The following TASOR2 variants were observed in gnomAD, a reference collection of about 807,000 sequenced individuals.
TASOR2 encodes transcription activation suppressor family member 2.
TASOR2 carries 84 observed loss-of-function variants against 199.5 expected under a neutral mutation model. That is an observed-to-expected ratio of 0.42 (90% CI 0.35 to 0.50). The LOEUF (loss-of-function observed/expected upper bound fraction) is 0.50, where lower values mean the gene tolerates loss of function less well. Ranked by LOEUF, TASOR2 falls within the 20% of genes least tolerant of loss-of-function variation. The pLI is 0.02. For synonymous variants in TASOR2, 1,103 were observed against 1,046.6 expected, an observed-to-expected ratio of 1.05 and a Z score of -1.04; for missense variants, 2,796 against 2,835.9, an observed-to-expected ratio of 0.99 and a Z score of 0.32.
chr10:5,713,325 G>T (rs542747277), intron 2 of TASOR2, among the ~76,000 whole-genome samples: 1 of 151,886 alleles, frequency 6.6e-6, no homozygotes, highest in Non-Finnish European at 1.5e-5. Context: ...ATAAACTTTG[G>T]CATCCTGGTT....
At chr10:5,696,092 A>G (rs989317130) in intron 1 of TASOR2, among the ~76,000 whole-genome samples, 5 of 152,170 alleles carry the variant, frequency 3.3e-5, no homozygotes, top group African/African-American at 1.2e-4. Flanking sequence ...CTAAATGAAA[A>G]TGAGGATTGA....
chr10:5,752,553 G>A lies in TASOR2; in HGVS notation c.6606+2526G>A, dbSNP rs925863847. Among the ~76,000 whole-genome samples the A allele has an allele frequency of 2.0e-4, 30 of 152,202 alleles. No homozygotes were observed. Among genetic ancestry groups the A allele is most frequent in the African/African-American group, 7.0e-4 (29 of 41,456 alleles). ...TCCTGCGCTAACTCCAGAATGTCACGTGGCGAGTCCATGGGGGCTGGATTA... is the reference window on the plus strand; with the variant it reads ...TCCTGCGCTAACTCCAGAATGTCACATGGCGAGTCCATGGGGGCTGGATTA... On this transcript the variant is annotated intron_variant, in intron 15 of 20. Coordinates refer to ENST00000328090, the Ensembl canonical transcript of TASOR2. This position sits in a 1 kb window ranked among gnomAD's most constrained non-coding sequence, Gnocchi z 4.4.
In TASOR2 at chr10:5,685,483, G is replaced by A. The variant is rs1835707403; in HGVS notation, c.-288+308G>A. Among the ~76,000 whole-genome samples, 1 of 152,204 alleles carries A rather than the reference G, an allele frequency of 6.6e-6. No individual in the cohort carries two copies. Among genetic ancestry groups the A allele is most frequent in the Non-Finnish European group, 1.5e-5 (1 of 68,038 alleles). ...GTCAGGGGACAGCTGCGTCCTCAGG[G>A]ATATGCTGATAAGTTCTTGGCTGAA... On this transcript the variant is annotated intron_variant, in intron 1 of 20. Transcript: ENST00000328090. This position sits in a 1 kb window ranked among gnomAD's most constrained non-coding sequence, Gnocchi z 5.4.
exon 15 of TASOR2, chr10:5,746,985 G>C: frequency 6.2e-7 from 1 of 1,614,176 alleles, no homozygotes; most frequent in South Asian, 1.1e-5. Flanking sequence ...CACAGACTCA[G>C]AGTCTCCTCG....
chr10:5,708,547 T>C (rs1831436916), intron 1 of TASOR2, among the ~76,000 whole-genome samples: 1 of 148,472 alleles, frequency 6.7e-6, no homozygotes, highest in African/African-American at 2.5e-5. Context: ...TTTCTTTCTC[T>C]TTCTTTCTTT....
intron 1 of TASOR2, among the ~76,000 whole-genome samples, chr10:5,705,539 A>G (rs996404324): frequency 6.6e-6 from 1 of 152,172 alleles, no homozygotes; most frequent in Non-Finnish European, 1.5e-5. Context: ...ATGTGTTTAT[A>G]AGAAACTGAT....
chr10:5,747,706 G>A (rs1467493605), exon 15 of TASOR2: 4 of 1,614,110 alleles, frequency 2.5e-6, no homozygotes, highest in Admixed American at 1.7e-5. Context: ...AAAACTTCAT[G>A]GTACACAGTG....
At chr10:5,725,006 T>G (rs1833867467) in intron 8 of TASOR2, among the ~76,000 whole-genome samples, 1 of 152,144 alleles carries the variant, frequency 6.6e-6, no homozygotes, top group Non-Finnish European at 1.5e-5. Context: ...TATACTTGAG[T>G]ACTCCTTGTG....
At position 5,723,110 on chromosome 10, in the gene TASOR2, G is replaced by A. The variant is rs557388660; in HGVS notation, c.147-567G>A. On this transcript the variant is annotated intron_variant, in intron 6 of 20. Transcript: ENST00000328090. Reference sequence around the variant, plus strand: ...TCTGTCGCCCAGGCTAGAGTGCAGCGGCACAATCTCAGCTCACTGCAAGCT... The same window carrying A: ...TCTGTCGCCCAGGCTAGAGTGCAGCAGCACAATCTCAGCTCACTGCAAGCT... Among the ~76,000 whole-genome samples the A allele has an allele frequency of 3.8e-5, 5 of 130,260 alleles. No homozygotes were observed. The East Asian group carries it at 7.5e-4, about 20-fold the overall frequency. The allele number at this position is 130,260 out of a possible 152,430, so 85.5% of individuals were successfully genotyped here.
At chr10:5,686,464 C>T (rs1311967950) in intron 1 of TASOR2, among the ~76,000 whole-genome samples, 1 of 152,116 alleles carries the variant, frequency 6.6e-6, no homozygotes, top group East Asian at 1.9e-4. Flanking sequence ...AAGTTATTTT[C>T]AAGATATCCC....
intron 19 of TASOR2, among the ~76,000 whole-genome samples, chr10:5,761,957 C>T (rs1022664011): frequency 6.6e-6 from 1 of 151,686 alleles, no homozygotes. Flanking sequence ...TGGCTTGAAC[C>T]CCGGAGGCAG....
At position 5,751,539 on chromosome 10, in the gene TASOR2, C is replaced by G. The variant is rs1838038046; in HGVS notation, c.6606+1512C>G. On this transcript the variant is annotated intron_variant, in intron 15 of 20. Transcript: ENST00000328090. The surrounding 1 kb of genome is among the most constrained non-coding windows in gnomAD (Gnocchi z 5.3). ...TCCCAGACCCAGCCAGTGGGAGTCCCTTTAAGTTGGCTTCTGTGTCCTTTT... is the reference window on the plus strand; with the variant it reads ...TCCCAGACCCAGCCAGTGGGAGTCCGTTTAAGTTGGCTTCTGTGTCCTTTT... Among the ~76,000 whole-genome samples the G allele has an allele frequency of 6.6e-6, 1 of 152,196 alleles. No homozygotes were observed. Among genetic ancestry groups the G allele is most frequent in the South Asian group, 2.1e-4 (1 of 4,828 alleles).
rs768788184 is a variant in TASOR2, at chr10:5,720,685, A to T, written c.26+17A>T. 5.6e-6 allele frequency: 9 copies of T among 1,614,094 alleles called. No homozygotes were observed. The highest frequency in any genetic ancestry group is 7.6e-6 in the Non-Finnish European group (9 of 1,179,998). ...TAAAAGCATGTAAGTAATTATGTGC[A>T]TGCTTTGTTTTACTGAATTTGTTCC... On this transcript the variant is annotated intron_variant, in intron 4 of 20. Transcript: ENST00000328090. The surrounding 1 kb of genome is among the most constrained non-coding windows in gnomAD (Gnocchi z 5.3).
intron 10 of TASOR2, among the ~76,000 whole-genome samples, chr10:5,729,770 G>C (rs1297349770): frequency 6.7e-6 from 1 of 148,262 alleles, no homozygotes; most frequent in African/African-American, 2.5e-5. Flanking sequence ...TGACAACTCT[G>C]AAATTTTATA....
At chr10:5,746,029 C>A in intron 14 of TASOR2, 150 bp from the exon 16 acceptor site, 1 of 858,416 alleles carries the variant, frequency 1.2e-6, no homozygotes, top group Non-Finnish European at 1.7e-6. Context: ...TGATTTGTAC[C>A]CTGTGATATT....
exon 15 of TASOR2, chr10:5,747,199 A>G: frequency 1.2e-6 from 2 of 1,614,082 alleles, no homozygotes; most frequent in East Asian, 2.2e-5. Context: ...TTCAGTATTT[A>G]TCAAACAAAC....
chr10:5,745,085 G>A lies in TASOR2; in HGVS notation c.2758-1094G>A, dbSNP rs965238868. Among the ~76,000 whole-genome samples the A allele has an allele frequency of 2.6e-5, 4 of 152,106 alleles. No individual in the cohort carries two copies. In the East Asian group the frequency reaches 5.8e-4, roughly 22 times the overall value. ...AATCAGTTCATTTTATTATATGCTC[G>A]ACAAGGCCATGCTTGAGGCTTTAAA... On this transcript the variant is annotated intron_variant, in intron 14 of 20. Transcript: ENST00000328090.
At chr10:5,728,334 T>C (rs1176807266) in intron 10 of TASOR2, among the ~76,000 whole-genome samples, 1 of 152,102 alleles carries the variant, frequency 6.6e-6, no homozygotes, top group Non-Finnish European at 1.5e-5. Flanking sequence ...TTTTTAAAGT[T>C]TTTTTAAAAA....
chr10:5,756,725 C>T, exon 16 of TASOR2: 5 of 1,612,234 alleles, frequency 3.1e-6, no homozygotes, highest in Non-Finnish European at 4.2e-6. Flanking sequence ...GATATATCAT[C>T]ACATTTGCAT....
Sources: allele counts gnomAD v4.1 joint callset (sites outside exome capture counted in the v4.1 genomes callset), GRCh38; gene constraint gnomAD v4.1.1; non-coding constraint Gnocchi (gnomAD v3.1); transcripts MANE v1.5; gene names NCBI Gene and HGNC (gene_info 2026-07-23, HGNC 2026-07-21).